Variants in ANKRD1 observed in about 807,000 individuals in gnomAD.
ANKRD1 encodes ankyrin repeat domain-containing protein 1.
A neutral mutation model predicts 40.1 loss-of-function variants in ANKRD1; 32 were observed. The ratio of observed to expected loss-of-function variants is 0.80; its 90% confidence interval spans 0.60 to 1.07. The LOEUF (loss-of-function observed/expected upper bound fraction) is 1.07. Ranked by LOEUF, ANKRD1 falls within the 50% of genes least tolerant of loss-of-function variation. The pLI, the probability that ANKRD1 is intolerant of heterozygous loss-of-function variation, is 0.00. For missense variants in ANKRD1, 359 were observed against 386.0 expected (o/e 0.93, Z 0.59); for synonymous variants, 149 against 141.2 (o/e 1.06, Z -0.39).
chr10:90,918,773 G>T, intron 4 of ANKRD1, 92 bp downstream of exon 4: 1 of 1,061,146 alleles, frequency 9.4e-7, no homozygotes, highest in Non-Finnish European at 1.4e-6. Context: ...TCAGGTGGAA[G>T]GACTTTGGCA....
At chr10:90,916,090 G>T in intron 6 of ANKRD1, 81 bp downstream of exon 6, 1 of 692,764 alleles carries the variant, frequency 1.4e-6, no homozygotes, top group Non-Finnish European at 2.2e-6. Context: ...AGGGGGAGGG[G>T]GAAGAGTGGG....
At chr10:90,918,077 T>G (rs768466741) in intron 4 of ANKRD1, among the ~76,000 whole-genome samples, 16 of 152,226 alleles carry the variant, frequency 1.1e-4, no homozygotes, top group Non-Finnish European at 1.8e-4. Context: ...GAGTGTGAAC[T>G]TAAAGGCTCA....
At position 90,912,950 on chromosome 10, in the gene ANKRD1, C is replaced by T. The variant is rs1847332891; in HGVS notation, c.876G>A (p.Val292=). 1.5e-5 allele frequency: 25 copies of T among 1,613,956 alleles called. No homozygotes were observed. The highest frequency in any genetic ancestry group is 2.0e-5 in the Non-Finnish European group (24 of 1,179,948). Residue 292 remains valine (V), a synonymous_variant, in exon 9 of 9, where the codon GTG becomes GTA. Transcript: ENST00000371697. ...NCAGKTPMDL[V]LHWQNGTKAI... ...CTTTGGTTCCATTCTGCCAGTGTAGCACCAGATCCATCGGCGTCTTCCCAG... is the reference window on the plus strand; with the variant it reads ...CTTTGGTTCCATTCTGCCAGTGTAGTACCAGATCCATCGGCGTCTTCCCAG...
intron 8 of ANKRD1, among the ~76,000 whole-genome samples, chr10:90,915,079 G>A (rs1847355426): frequency 6.6e-6 from 1 of 152,176 alleles, no homozygotes; most frequent in Admixed American, 6.5e-5. Flanking sequence ...AAGGAGGAAA[G>A]GGACTTTCTG....
intron 6 of ANKRD1, 40 bp downstream of exon 6, chr10:90,916,131 G>C: frequency 7.5e-7 from 1 of 1,327,634 alleles, no homozygotes; most frequent in South Asian, 1.2e-5. Context: ...GACAGGGAGG[G>C]GGAGGGGGTG....
At chr10:90,916,892 GC>G (rs1847379286) in intron 5 of ANKRD1, among the ~76,000 whole-genome samples, 1 of 152,066 alleles carries the variant, frequency 6.6e-6, no homozygotes, top group Non-Finnish European at 1.5e-5. Flanking sequence ...TGCTAGCACA[GC>G]CTCTGTACCT....
intron 7 of ANKRD1, 29 bp from the exon 8 acceptor site, chr10:90,915,670 G>T (rs755557528): frequency 6.2e-7 from 1 of 1,610,696 alleles, no homozygotes; most frequent in African/African-American, 1.3e-5. Context: ...CAGGTTCAAG[G>T]TGGGTCTGAG....
intron 4 of ANKRD1, 88 bp downstream of exon 4, chr10:90,918,776 CT>C: frequency 9.0e-7 from 1 of 1,105,166 alleles, no homozygotes. Context: ...GGTGGAAGGA[CT>C]TTGGCACTAT....
chr10:90,916,873 G>C (rs895274054), intron 5 of ANKRD1, among the ~76,000 whole-genome samples: 1 of 152,102 alleles, frequency 6.6e-6, no homozygotes, highest in Non-Finnish European at 1.5e-5. Context: ...TGGGTTTTCT[G>C]CTCATTTTTG....
chr10:90,918,752 G>C, intron 4 of ANKRD1, 113 bp downstream of exon 4: 1 of 883,870 alleles, frequency 1.1e-6, no homozygotes, highest in Non-Finnish European at 1.8e-6. Flanking sequence ...GCAACAGCTG[G>C]GGAAACTGTT....
chr10:90,920,930 G>A (rs1224078092), intron 1 of ANKRD1, 71 bp downstream of exon 1: 1 of 1,430,046 alleles, frequency 7.0e-7, no homozygotes, highest in Non-Finnish European at 9.9e-7. Context: ...AAAGCAAAGG[G>A]CATTTCAATT....
Position 90,914,278 on chromosome 10 carries a change from G to C in ANKRD1, c.849+1265C>G, listed in dbSNP as rs543489408. Among the ~76,000 whole-genome samples, 37 of 152,160 alleles carry C rather than the reference G, an allele frequency of 2.4e-4. No homozygotes were observed. The South Asian group carries it at 7.7e-3, about 32-fold the overall frequency. On this transcript the variant is annotated intron_variant, in intron 8 of 8. Transcript: ENST00000371697. ...ATAAACCTGATGCTAATATCTAACT[G>C]ATAATTCAGAACCCTAAGCCGTATT...
chr10:90,920,128 G>T, intron 2 of ANKRD1, 41 bp downstream of exon 2: 2 of 1,610,922 alleles, frequency 1.2e-6, no homozygotes, highest in South Asian at 2.2e-5. Context: ...CCCTACCCCA[G>T]CCCCAACATC....
At chr10:90,918,121 T>C (rs558165413) in intron 4 of ANKRD1, among the ~76,000 whole-genome samples, 1 of 152,360 alleles carries the variant, frequency 6.6e-6, no homozygotes, top group African/African-American at 2.4e-5. Context: ...CCGTTTCTTC[T>C]ATCTTGCACC....
chr10:90,919,326 T>C, intron 2 of ANKRD1, 58 bp from the exon 3 acceptor site: 1 of 1,517,100 alleles, frequency 6.6e-7, no homozygotes, highest in Non-Finnish European at 9.0e-7. Context: ...AGCATTCTGG[T>C]TGTGTCTAAA....
chr10:90,918,912 C>T lies in ANKRD1; in HGVS notation c.406G>A (p.Val136Ile). ...TTCTTGTCTGACAAGAATTTTTCTACTACTGGCAGTTTATTCTCCAGAGCA... is the reference window on the plus strand; with the variant it reads ...TTCTTGTCTGACAAGAATTTTTCTATTACTGGCAGTTTATTCTCCAGAGCA... ...KAALENKLPV[V>I]EKFLSDKNNP... The change falls in exon 4 of 9, where the codon GTA (valine) becomes ATA (isoleucine). Residue 136 changes from valine to isoleucine, a missense_variant. Transcript: ENST00000371697. 1.9e-6 allele frequency: 3 copies of T among 1,611,852 alleles called. No individual in the cohort carries two copies. Among genetic ancestry groups the T allele is most frequent in the East Asian group, 4.5e-5 (2 of 44,776 alleles).
chr10:90,914,781 T>G (rs1847352966), intron 8 of ANKRD1, among the ~76,000 whole-genome samples: 1 of 147,708 alleles, frequency 6.8e-6, no homozygotes, highest in African/African-American at 2.5e-5. Context: ...AAATTATTTC[T>G]TCAGAAATTT....
rs948603392 is a variant in ANKRD1, at chr10:90,918,767, G to A, written c.453+98C>T. The A allele has an allele frequency of 3.0e-6, 3 of 1,013,360 alleles. No homozygotes were observed. The Admixed American group carries it at 5.3e-5, about 18-fold the overall frequency. 62.8% of individuals were successfully genotyped at this position (1,013,360 alleles called of 1,614,324 possible). ...GCAACAGCTGGGGAAACTGTTTCAGGTGGAAGGACTTTGGCACTATATTAG... is the reference window on the plus strand; with the variant it reads ...GCAACAGCTGGGGAAACTGTTTCAGATGGAAGGACTTTGGCACTATATTAG... On this transcript the variant is annotated intron_variant, in intron 4 of 8. Transcript: ENST00000371697.
intron 5 of ANKRD1, 73 bp from the exon 6 acceptor site, chr10:90,916,342 C>T: frequency 8.9e-7 from 1 of 1,124,866 alleles, no homozygotes; most frequent in Non-Finnish European, 1.4e-6. Flanking sequence ...GTTGCTAGGG[C>T]ATCCGTGAAA....
Sources: allele counts gnomAD v4.1 joint callset (sites outside exome capture counted in the v4.1 genomes callset), GRCh38; gene constraint gnomAD v4.1.1; transcripts MANE v1.5; gene names NCBI Gene and HGNC (gene_info 2026-07-23, HGNC 2026-07-21).